TUB: variants seen among roughly 807,000 people sequenced by gnomAD.
TUB encodes the protein tubby protein homolog.
Under a neutral mutation model 59.7 loss-of-function variants are expected in TUB, and 33 were observed. The ratio of observed to expected loss-of-function variants is 0.55; its 90% confidence interval spans 0.42 to 0.74. The LOEUF (loss-of-function observed/expected upper bound fraction) is 0.74. TUB is among the 30% of genes least tolerant of loss of function. TUB has a pLI of 0.00. For synonymous variants in TUB, 293 were observed against 256.4 expected, an observed-to-expected ratio of 1.14 and a Z score of -1.36; for missense variants, 659 against 672.0, an observed-to-expected ratio of 0.98 and a Z score of 0.21.
upstream of TUB, chr11:8,077,032 T>C (rs1214357414): frequency 6.6e-6 from 1 of 152,240 alleles, no homozygotes; most frequent in African/African-American, 2.4e-5. Flanking sequence ...TATGCTACCA[T>C]CTTGCCATGA....
In TUB at chr11:8,081,271, G is replaced by A. The variant is rs2133813133; in HGVS notation, c.-240G>A. 1 of 703,778 alleles carries A rather than the reference G, an allele frequency of 1.4e-6. No homozygotes were observed. The highest frequency in any genetic ancestry group is 1.7e-6 in the Non-Finnish European group (1 of 572,834). 43.6% of individuals were successfully genotyped at this position (703,778 alleles called of 1,614,324 possible). On this transcript the variant is annotated 5_prime_UTR_variant, in exon 1 of 12. Coordinates refer to ENST00000299506, the MANE Select transcript of TUB (RefSeq NM_177972.3). ...GCGGTCGGCCTCCCCGCCTCCACGC[G>A]CGCGCACGACCCGCGCACTCCCGGA...
At position 8,095,631 on chromosome 11, in the gene TUB, C is replaced by A. The variant is rs371256163; in HGVS notation, c.531C>A (p.Ser177Arg). Residue 177 changes from serine to arginine, a missense_variant, in exon 5 of 12, where the codon AGC (serine) becomes AGA (arginine). By Grantham distance (110) the Ser-to-Arg change is moderately radical. Coordinates refer to ENST00000299506, the MANE Select transcript of TUB (RefSeq NM_177972.3). Reference protein sequence around the residue: ...ETAAGGGERPSGQDLRATMQR... With the variant: ...ETAAGGGERPRGQDLRATMQR... Reference sequence around the variant, plus strand: ...CAGCTGGTGGGGGCGAACGGCCCAGCGGGCAGGATCTCCGTGCCACGATGC... The same window carrying A: ...CAGCTGGTGGGGGCGAACGGCCCAGAGGGCAGGATCTCCGTGCCACGATGC... The A allele has an allele frequency of 3.1e-6, 5 of 1,608,446 alleles. No homozygotes were observed. The highest frequency in any genetic ancestry group is 1.3e-5 in the African/African-American group (1 of 75,014).
At chr11:8,098,088 C>T (rs950490069) in intron 8 of TUB, among the ~76,000 whole-genome samples, 4 of 152,064 alleles carry the variant, frequency 2.6e-5, no homozygotes, top group African/African-American at 7.2e-5. Context: ...GATCCAACCC[C>T]AGGGTGTCAC....
chr11:8,099,053 C>A (rs895555501), intron 9 of TUB, among the ~76,000 whole-genome samples, 178 bp downstream of exon 9: 3 of 152,094 alleles, frequency 2.0e-5, no homozygotes, highest in African/African-American at 7.2e-5. Flanking sequence ...CTCCTCCTGA[C>A]TTCAGAGCTC....
At chr11:8,095,751 G>T (rs1365362058) in intron 5 of TUB, 86 bp downstream of exon 5, 1 of 1,422,076 alleles carries the variant, frequency 7.0e-7, no homozygotes, top group African/African-American at 1.4e-5. Context: ...TGGCCTTCCT[G>T]TGTCCAAACC....
intron 11 of TUB, 113 bp downstream of exon 11, chr11:8,101,110 A>G (rs1342766696): frequency 2.3e-6 from 3 of 1,302,502 alleles, no homozygotes; most frequent in South Asian, 1.4e-5. Context: ...AATGTGAGCT[A>G]TACAGCTAAG....
intron 2 of TUB, among the ~76,000 whole-genome samples, chr11:8,054,721 C>T (rs1564904267): frequency 6.6e-6 from 1 of 152,186 alleles, no homozygotes; most frequent in African/African-American, 2.4e-5. Context: ...TGGAGATTTC[C>T]ACTTTGTGTG....
chr11:8,037,084 G>C (rs1332120564), upstream of TUB, among the ~76,000 whole-genome samples: 1 of 152,236 alleles, frequency 6.6e-6, no homozygotes, highest in Non-Finnish European at 1.5e-5. Flanking sequence ...ACCTGAAAGA[G>C]AGTTTCTGGG....
intron 2 of TUB, among the ~76,000 whole-genome samples, chr11:8,055,089 A>G (rs1273828958): frequency 6.6e-6 from 1 of 152,164 alleles, no homozygotes; most frequent in African/African-American, 2.4e-5. Context: ...ACTGTAACTC[A>G]TCAGTCAGGG....
intron 2 of TUB, among the ~76,000 whole-genome samples, chr11:8,055,009 G>A (rs1401656876): frequency 6.6e-6 from 1 of 152,182 alleles, no homozygotes; most frequent in Non-Finnish European, 1.5e-5. Context: ...CCCAAGTCTG[G>A]AGCCCAGGCC....
upstream of TUB, chr11:8,035,648 C>A (rs1312740334): frequency 2.0e-5 from 3 of 152,334 alleles, no homozygotes; most frequent in Non-Finnish European, 4.4e-5. Flanking sequence ...CTGCAGGTTG[C>A]CAGAGTAACT....
intron 2 of TUB, among the ~76,000 whole-genome samples, chr11:8,059,114 G>A (rs998786383): frequency 6.6e-6 from 1 of 152,060 alleles, no homozygotes; most frequent in African/African-American, 2.4e-5. Flanking sequence ...GAGACCCTGG[G>A]AGCAGTGTCT....
upstream of TUB, among the ~76,000 whole-genome samples, chr11:8,036,943 C>G (rs1457921730): frequency 6.6e-6 from 1 of 152,186 alleles, no homozygotes; most frequent in African/African-American, 2.4e-5. Flanking sequence ...GTGACCAAAC[C>G]TGAGAGCTTT....
chr11:8,025,810 T>C (rs1430998453), intron 1 of TUB, among the ~76,000 whole-genome samples: 1 of 152,252 alleles, frequency 6.6e-6, no homozygotes, highest in African/African-American at 2.4e-5. Context: ...CTTTTGTTTC[T>C]CTTAGGCAAA....
intron 2 of TUB, chr11:8,039,698 C>T: frequency 6.5e-7 from 1 of 1,531,298 alleles, no homozygotes. Context: ...GCTCGGTGAG[C>T]TGGAGGGGAG....
chr11:8,075,604 T>G (rs920866551), intron 2 of TUB: 13 of 152,372 alleles, frequency 8.5e-5, no homozygotes, highest in African/African-American at 3.1e-4. Flanking sequence ...TCTATAGGGC[T>G]GTTTTCCCTT....
intron 1 of TUB, chr11:8,039,606 G>T (rs1424316918): frequency 2.1e-6 from 3 of 1,444,286 alleles, no homozygotes; most frequent in Non-Finnish European, 2.8e-6. Context: ...AGGTGAGGCT[G>T]CAAGGATGTG....
intron 3 of TUB, among the ~76,000 whole-genome samples, chr11:8,092,903 A>G (rs966459298): frequency 3.3e-5 from 5 of 152,236 alleles, no homozygotes; most frequent in Admixed American, 1.3e-4. Flanking sequence ...GATACACATC[A>G]GACCTCACAG....
intron 1 of TUB, chr11:8,039,061 G>A (rs1589926021): frequency 6.2e-7 from 1 of 1,604,446 alleles, no homozygotes; most frequent in Admixed American, 1.7e-5. Context: ...TTAGCCCATG[G>A]GCCCAACCAT....
Sources: allele counts gnomAD v4.1 joint callset (sites outside exome capture counted in the v4.1 genomes callset), GRCh38; gene constraint gnomAD v4.1.1; transcripts MANE v1.5; gene names NCBI Gene and HGNC (gene_info 2026-07-23, HGNC 2026-07-21).